Variants in KLRG1 observed in about 807,000 individuals in gnomAD.
The protein encoded by KLRG1 is killer cell lectin like receptor G1.
KLRG1 carries 16 observed loss-of-function variants against 21.8 expected under a neutral mutation model. The ratio of observed to expected loss-of-function variants is 0.73; its 90% CI spans 0.50 to 1.11. The LOEUF is 1.11. KLRG1 is among the 50% of genes most tolerant of loss of function. KLRG1 has a pLI of 0.00. For missense variants in KLRG1, 173 were observed against 218.3 expected, an observed-to-expected ratio of 0.79 and a Z score of 1.31; for synonymous variants, 69 against 75.9, an observed-to-expected ratio of 0.91 and a Z score of 0.47.
At chr12:9,189,154 A>G in the KLRG1 span, among the ~76,000 whole-genome samples, 1 of 152,206 alleles carries the variant, frequency 6.6e-6, no homozygotes, top group Non-Finnish European at 1.5e-5. Flanking sequence ...CTATTTAAAA[A>G]TGTATATGGA....
the KLRG1 span, among the ~76,000 whole-genome samples, chr12:9,029,272 A>G: frequency 3.3e-5 from 5 of 152,032 alleles, no homozygotes; most frequent in African/African-American, 7.3e-5. Flanking sequence ...CTGGAGTGCA[A>G]TGGTGCAAGC....
At chr12:9,162,845 A>T in the KLRG1 span, among the ~76,000 whole-genome samples, 2 of 152,160 alleles carry the variant, frequency 1.3e-5, no homozygotes, top group African/African-American at 4.8e-5. Context: ...AATGTGTGCC[A>T]TGGTGGTTTG....
chr12:9,107,679 G>T, the KLRG1 span: 1 of 1,609,044 alleles, frequency 6.2e-7, no homozygotes, highest in Non-Finnish European at 8.5e-7. Flanking sequence ...AATCAGAGCA[G>T]ACACTGAACC....
chr12:8,973,885 A>G (rs530826391), intron 1 of KLRG1, among the ~76,000 whole-genome samples: 1 of 152,150 alleles, frequency 6.6e-6, no homozygotes, highest in Non-Finnish European at 1.5e-5. Flanking sequence ...AGAAACATGA[A>G]TGATTTTTGT....
At chr12:9,056,564 G>GGTGTGTGT in the KLRG1 span, among the ~76,000 whole-genome samples, 1 of 96,094 alleles carries the variant, frequency 1.0e-5, no homozygotes, top group Non-Finnish European at 2.4e-5. Flanking sequence ...TTACTTGGGG[G>GGTGTGTGT]GTGTGTGTGT....
At chr12:9,151,452 G>C in the KLRG1 span, 3 of 541,182 alleles carry the variant, frequency 5.5e-6, no homozygotes, top group African/African-American at 1.9e-5. Context: ...GAGTTCAAAG[G>C]TTTCCCCTCT....
chr12:9,103,875 G>A, the KLRG1 span, among the ~76,000 whole-genome samples: 1 of 152,058 alleles, frequency 6.6e-6, no homozygotes, highest in Non-Finnish European at 1.5e-5. Context: ...TATGAACACG[G>A]GTGTGCAAAT....
At chr12:9,052,331 AC>A in the KLRG1 span, among the ~76,000 whole-genome samples, 1 of 152,254 alleles carries the variant, frequency 6.6e-6, no homozygotes, top group Non-Finnish European at 1.5e-5. Context: ...TGTAGGTGTT[AC>A]CTTTTCTCCT....
At chr12:9,201,335 A>G in the KLRG1 span, 1 of 1,556,904 alleles carries the variant, frequency 6.4e-7, no homozygotes, top group South Asian at 1.1e-5. Context: ...ACCTCAAGGT[A>G]TATCAGTGGA....
At chr12:8,958,850 C>T (rs1946337833) in intron 1 of KLRG1, among the ~76,000 whole-genome samples, 1 of 134,574 alleles carries the variant, frequency 7.4e-6, no homozygotes, top group Non-Finnish European at 1.7e-5. Flanking sequence ...GAGTGATACC[C>T]TGTATCAAAA....
chr12:9,171,304 C>A, the KLRG1 span, among the ~76,000 whole-genome samples: 1 of 152,112 alleles, frequency 6.6e-6, no homozygotes, highest in Middle Eastern at 3.2e-3. Context: ...AACAAACAAA[C>A]AGAAAACAAC....
At chr12:8,971,726 A>T (rs1946572580) in intron 1 of KLRG1, among the ~76,000 whole-genome samples, 1 of 152,056 alleles carries the variant, frequency 6.6e-6, no homozygotes, top group Admixed American at 6.6e-5. Flanking sequence ...CCTGACCTCA[A>T]GTGATCCGCC....
At chr12:9,110,791 G>C in the KLRG1 span, among the ~76,000 whole-genome samples, 1 of 152,008 alleles carries the variant, frequency 6.6e-6, no homozygotes, top group African/African-American at 2.4e-5. Context: ...AAATATTCCA[G>C]ATTAAATTTT....
chr12:8,997,583 C>T (rs986278316), intron 3 of KLRG1, among the ~76,000 whole-genome samples: 1 of 152,120 alleles, frequency 6.6e-6, no homozygotes, highest in African/African-American at 2.4e-5. Flanking sequence ...GAGAGTGCTG[C>T]TAGAGAATTT....
At chr12:9,098,404 A>T in the KLRG1 span, 5 of 310,260 alleles carry the variant, frequency 1.6e-5, no homozygotes, top group Non-Finnish European at 2.7e-5. Context: ...TATTTTGTTT[A>T]TTTTTTTAAC....
the KLRG1 span, among the ~76,000 whole-genome samples, chr12:9,199,988 T>C: frequency 6.6e-6 from 1 of 152,162 alleles, no homozygotes; most frequent in Non-Finnish European, 1.5e-5. Flanking sequence ...AAACTTGCAA[T>C]TAGTTTTGGA....
chr12:9,090,927 T>A, the KLRG1 span, among the ~76,000 whole-genome samples: 1 of 152,216 alleles, frequency 6.6e-6, no homozygotes, highest in African/African-American at 2.4e-5. Context: ...GGTTGAAACC[T>A]TGTAGAATCT....
In KLRG1 at chr12:8,989,705, C is replaced by A. The variant is rs748711767; in HGVS notation, c.70C>A (p.Pro24Thr). 1.2e-6 allele frequency: 2 copies of A among 1,601,300 alleles called. No homozygotes were observed. Among genetic ancestry groups the A allele is most frequent in the South Asian group, 1.1e-5 (1 of 90,438 alleles). The change falls in exon 1 of 5, where the codon CCA (proline) becomes ACA (threonine). Residue 24 changes from proline to threonine, a missense_variant. Pro to Thr is a conservative substitution (Grantham distance 38). This residue lies in a region of KLRG1 where 144 missense variants were observed against 161.5 expected (regional missense o/e 0.89). Coordinates refer to ENST00000356986, the MANE Select transcript of KLRG1 (RefSeq NM_005810.4). ...TATQAQNDYG[P>T]QQKSSSSRPS... Reference sequence around the variant, plus strand: ...AACCCAAGCCCAGAATGACTATGGACCACAGCAAAAATGTGAGTTAACCAA... The same window carrying A: ...AACCCAAGCCCAGAATGACTATGGAACACAGCAAAAATGTGAGTTAACCAA...
chr12:9,137,207 A>G, the KLRG1 span, among the ~76,000 whole-genome samples: 4 of 152,122 alleles, frequency 2.6e-5, no homozygotes, highest in Admixed American at 2.6e-4. Context: ...ATTCTTGTGT[A>G]TGGTGTAAGA....
Sources: allele counts gnomAD v4.1 joint callset (sites outside exome capture counted in the v4.1 genomes callset), GRCh38; gene constraint gnomAD v4.1.1; regional missense constraint gnomAD v4.1.1; transcripts MANE v1.5; gene names NCBI Gene and HGNC (gene_info 2026-07-23, HGNC 2026-07-21).